CADPS: variants seen among roughly 807,000 people sequenced by gnomAD.
The protein encoded by CADPS is calcium-dependent secretion activator 1.
Under a neutral mutation model 167.3 loss-of-function variants are expected in CADPS, and 57 were observed. The ratio of observed to expected loss-of-function variants is 0.34; its 90% confidence interval spans 0.28 to 0.42. CADPS has a LOEUF of 0.42. CADPS is among the 20% of genes least tolerant of loss of function. The probability of loss-of-function intolerance (pLI) is 1.00; values close to 1 mark genes in which losing one functional copy is unlikely to be tolerated. For synonymous variants in CADPS, 676 were observed against 635.3 expected (o/e 1.06, Z -0.96); for missense variants, 1,414 against 1,738.1 (o/e 0.81, Z 3.32).
chr3:62,874,779 G>A lies in CADPS; in HGVS notation c.251C>T (p.Ala84Val). Residue 84 changes from alanine (A) to valine (V), a missense_variant, in exon 1 of 30, where the codon GCT becomes GTT. Around this residue, in one of 6 missense-constraint regions of CADPS, gnomAD observed 522 missense variants for 559.5 expected, o/e 0.93. Coordinates refer to ENST00000383710, the MANE Select transcript of CADPS (RefSeq NM_003716.4). This position sits in a 1 kb window ranked among gnomAD's most constrained non-coding sequence, Gnocchi z 7.1. ...GAGGLQPSSR[A>V]GGGRPSSPSP... ...GGGGCTGGAGGGCCGGCCGCCGCCAGCGCGGCTGCTGGGTTGCAGCCCCCC... is the reference window on the plus strand; with the variant it reads ...GGGGCTGGAGGGCCGGCCGCCGCCAACGCGGCTGCTGGGTTGCAGCCCCCC... The A allele has an allele frequency of 7.0e-7, 1 of 1,425,466 alleles. No homozygotes were observed. The allele number at this position is 1,425,466 out of a possible 1,614,324, so 88.3% of individuals were successfully genotyped here. A position where few individuals can be genotyped will look rare whatever the true frequency, so the allele number is the denominator to read the frequency against.
intron 13 of CADPS, among the ~76,000 whole-genome samples, chr3:62,521,624 A>G (rs1319753605): frequency 6.6e-6 from 1 of 152,202 alleles, no homozygotes; most frequent in Non-Finnish European, 1.5e-5. Flanking sequence ...GCTAGCTAGA[A>G]AATTCCAGGC....
intron 3 of CADPS, among the ~76,000 whole-genome samples, chr3:62,700,948 G>T (rs1200718766): frequency 1.3e-5 from 2 of 152,078 alleles, no homozygotes; most frequent in Non-Finnish European, 2.9e-5. Flanking sequence ...GATCTGGTGA[G>T]TGCCCCCTTC....
At chr3:62,585,775 T>C (rs1280270518) in intron 7 of CADPS, among the ~76,000 whole-genome samples, 2 of 152,144 alleles carry the variant, frequency 1.3e-5, no homozygotes, top group African/African-American at 4.8e-5. Flanking sequence ...CAGGGGAAAA[T>C]GGAAGGAACC....
intron 10 of CADPS, among the ~76,000 whole-genome samples, chr3:62,556,253 A>C (rs1006815747): frequency 1.3e-5 from 2 of 152,168 alleles, no homozygotes; most frequent in African/African-American, 4.8e-5. Flanking sequence ...AGAGCATTTA[A>C]TTCATGCCTT....
chr3:62,645,938 C>A, intron 5 of CADPS, 95 bp from the exon 6 acceptor site: 1 of 1,412,154 alleles, frequency 7.1e-7, no homozygotes, highest in East Asian at 2.3e-5. Flanking sequence ...ACAGAGAAAA[C>A]CAACAGGTAT....
intron 28 of CADPS, among the ~76,000 whole-genome samples, chr3:62,432,576 C>G (rs545907739): frequency 5.3e-5 from 8 of 152,122 alleles, no homozygotes; most frequent in Non-Finnish European, 1.2e-4. Context: ...AAAAAGAAGG[C>G]TGGGAAAAGC....
chr3:62,777,559 G>A (rs1194576901), intron 1 of CADPS, among the ~76,000 whole-genome samples: 1 of 152,148 alleles, frequency 6.6e-6, no homozygotes. Context: ...TAATAATAAT[G>A]TATCTGTATT....
At chr3:62,452,592 C>G (rs1040375883) in intron 26 of CADPS, among the ~76,000 whole-genome samples, 2 of 151,846 alleles carry the variant, frequency 1.3e-5, no homozygotes, top group African/African-American at 4.8e-5. Flanking sequence ...GAGGAGGAAG[C>G]AGGAGAAGAA....
chr3:62,443,013 T>C (rs141604347), intron 27 of CADPS, among the ~76,000 whole-genome samples: 101 of 152,368 alleles, frequency 6.6e-4, no homozygotes, highest in African/African-American at 1.9e-3. Context: ...AAAGCGTATG[T>C]TAATCAACTT....
intron 3 of CADPS, among the ~76,000 whole-genome samples, chr3:62,666,132 A>T (rs2074354398): frequency 6.6e-6 from 1 of 152,126 alleles, no homozygotes; most frequent in Admixed American, 6.5e-5. Context: ...CCATCTCTTG[A>T]CAAATTTCCC....
chr3:62,417,139 C>T (rs915364847), intron 28 of CADPS, among the ~76,000 whole-genome samples: 2 of 152,174 alleles, frequency 1.3e-5, no homozygotes, highest in Admixed American at 6.5e-5. Flanking sequence ...TGTACTCTGT[C>T]TGAACACTAT....
intron 9 of CADPS, among the ~76,000 whole-genome samples, chr3:62,569,271 T>C (rs2080859173): frequency 6.6e-6 from 1 of 152,120 alleles, no homozygotes; most frequent in Admixed American, 6.6e-5. Flanking sequence ...CGGCTAATTT[T>C]TTGTACTATT....
At chr3:62,773,748 C>T (rs183419404) in intron 1 of CADPS, among the ~76,000 whole-genome samples, 81 of 152,220 alleles carry the variant, frequency 5.3e-4, no homozygotes, top group Non-Finnish European at 1.0e-3. Context: ...CATACCTCTA[C>T]CACATTTTAC....
At chr3:62,797,435 C>T (rs2152779090) in intron 1 of CADPS, among the ~76,000 whole-genome samples, 1 of 152,280 alleles carries the variant, frequency 6.6e-6, no homozygotes, top group South Asian at 2.1e-4. Flanking sequence ...TCTCACTCCA[C>T]TTCATCTCCT....
chr3:62,779,235 C>T (rs558884619), intron 1 of CADPS: 2 of 317,390 alleles, frequency 6.3e-6, no homozygotes, highest in Non-Finnish European at 1.3e-5. Flanking sequence ...TTTGACCCTT[C>T]TGAGCTTCCA....
intron 20 of CADPS, 45 bp downstream of exon 20, chr3:62,492,245 C>G (rs1225614953): frequency 2.6e-6 from 4 of 1,552,486 alleles, no homozygotes; most frequent in East Asian, 4.5e-5. Context: ...ATCTGTTTAT[C>G]TGCACACTAC....
At chr3:62,779,921 CTT>C (rs2091227075) in intron 1 of CADPS, 1 of 173,862 alleles carries the variant, frequency 5.8e-6, no homozygotes, top group African/African-American at 2.4e-5. Flanking sequence ...ATTTGGAACT[CTT>C]TAAAAATGAA....
chr3:62,566,062 C>G (rs1407941055), intron 9 of CADPS, among the ~76,000 whole-genome samples: 1 of 152,172 alleles, frequency 6.6e-6, no homozygotes, highest in Non-Finnish European at 1.5e-5. Flanking sequence ...GCTGCTAGCT[C>G]TCTACATAAA....
chr3:62,674,760 G>A (rs1004853929), intron 3 of CADPS, among the ~76,000 whole-genome samples: 1 of 152,196 alleles, frequency 6.6e-6, no homozygotes, highest in African/African-American at 2.4e-5. Context: ...GGTATCAGGG[G>A]TATCATCTAC....
Sources: allele counts gnomAD v4.1 joint callset (sites outside exome capture counted in the v4.1 genomes callset), GRCh38; gene constraint gnomAD v4.1.1; regional missense constraint gnomAD v4.1.1; non-coding constraint Gnocchi (gnomAD v3.1); transcripts MANE v1.5; gene names NCBI Gene and HGNC (gene_info 2026-07-23, HGNC 2026-07-21).